DLG2: variants seen among roughly 807,000 people sequenced by gnomAD.
DLG2 encodes discs large MAGUK scaffold protein 2, also known as disks large homolog 2.
In DLG2, 45 loss-of-function variants were observed where a neutral mutation model predicts 132.5. The ratio of observed to expected loss-of-function variants is 0.34; its 90% CI spans 0.27 to 0.44. The LOEUF (loss-of-function observed/expected upper bound fraction) is 0.44, where lower values mean the gene tolerates loss of function less well. Among genes scored for constraint, DLG2 ranks in the 20% least tolerant of loss-of-function variants. The probability of loss-of-function intolerance (pLI) is 1.00; values close to 1 mark genes in which losing one functional copy is unlikely to be tolerated. For missense variants in DLG2, 1,045 were observed against 1,196.9 expected (o/e 0.87, Z 1.87); for synonymous variants, 424 against 419.6 (o/e 1.01, Z -0.13).
chr11:83,884,373 C>G (rs545538954), intron 15 of DLG2, among the ~76,000 whole-genome samples: 1 of 152,152 alleles, frequency 6.6e-6, no homozygotes, highest in Admixed American at 6.5e-5. Context: ...AACTGTAAGG[C>G]GGCAGCGAGG....
chr11:84,884,129 A>G (rs1339424159), intron 6 of DLG2, among the ~76,000 whole-genome samples: 1 of 152,248 alleles, frequency 6.6e-6, no homozygotes, highest in Admixed American at 6.5e-5. Context: ...TCAAAACACA[A>G]ATTAGGATAT....
intron 16 of DLG2, among the ~76,000 whole-genome samples, chr11:83,836,319 A>C (rs2056156142): frequency 6.6e-6 from 1 of 152,178 alleles, no homozygotes. Context: ...ATAGCTGGAC[A>C]CTCAATGACT....
At chr11:84,498,957 T>C (rs921976781) in intron 7 of DLG2, among the ~76,000 whole-genome samples, 1 of 152,146 alleles carries the variant, frequency 6.6e-6, no homozygotes. Context: ...GAAGGATGAG[T>C]TGCTTAGACA....
In DLG2 at chr11:83,930,273, C is replaced by T. The variant is rs2079899881; in HGVS notation, c.1496+55G>A. On this transcript the variant is annotated intron_variant, in intron 15 of 27. Transcript: ENST00000376104. ...GCAGAGGCGGATTCTACCCATTTATCCTTGTGGAAGCACATGCAGTTCGAG... is the reference window on the plus strand; with the variant it reads ...GCAGAGGCGGATTCTACCCATTTATTCTTGTGGAAGCACATGCAGTTCGAG... The T allele has an allele frequency of 1.9e-6, 3 of 1,595,810 alleles. No homozygotes were observed. In the African/African-American group the frequency reaches 4.0e-5, roughly 21 times the overall value.
At chr11:83,674,947 T>C (rs2077431300) in intron 18 of DLG2, among the ~76,000 whole-genome samples, 1 of 152,196 alleles carries the variant, frequency 6.6e-6, no homozygotes, top group Non-Finnish European at 1.5e-5. Flanking sequence ...GCTTCATGAG[T>C]GAAAAAAGAA....
rs138169728 is a variant in DLG2 at position 85,209,760 on chromosome 11, G to A, written c.187-55109C>T. Among the ~76,000 whole-genome samples the A allele has an allele frequency of 9.0e-4, 136 of 151,598 alleles. 2 individuals carry two copies. In the East Asian group the frequency reaches 0.014, roughly 16 times the overall value. On this transcript the variant is annotated intron_variant, in intron 4 of 27. Coordinates refer to ENST00000376104, the MANE Select transcript of DLG2 (RefSeq NM_001142699.3). ...CAGCCTAGAAAGCAGTCTCTTCACC[G>A]AAATTCATTTATATAATCCAAAAAT...
chr11:84,649,734 A>G (rs866986592), intron 6 of DLG2, among the ~76,000 whole-genome samples: 18 of 152,242 alleles, frequency 1.2e-4, no homozygotes, highest in South Asian at 1.0e-3. Context: ...TCTTTGGCCC[A>G]TTTTGTGCTT....
At chr11:83,753,872 TATGATATATA>T (rs2093515343) in intron 18 of DLG2, among the ~76,000 whole-genome samples, 1 of 93,068 alleles carries the variant, frequency 1.1e-5, no homozygotes, top group African/African-American at 6.6e-5. Context: ...ATTTCATATA[TATGATATATA>T]TCATATATAT....
intron 19 of DLG2, among the ~76,000 whole-genome samples, chr11:83,546,759 A>T (rs560952176): frequency 5.9e-5 from 9 of 152,242 alleles, no homozygotes; most frequent in Admixed American, 1.3e-4. Context: ...GGATTTCATG[A>T]TTTGATGATA....
At chr11:85,341,126 T>TTTTGC (rs2152858957) in intron 3 of DLG2, among the ~76,000 whole-genome samples, 1 of 151,914 alleles carries the variant, frequency 6.6e-6, no homozygotes, top group South Asian at 2.1e-4. Context: ...TTTTGTTTTG[T>TTTTGC]TTTGTTTTTT....
intron 7 of DLG2, among the ~76,000 whole-genome samples, chr11:84,502,351 T>C (rs578025757): frequency 5.2e-5 from 3 of 57,894 alleles, no homozygotes; most frequent in East Asian, 7.0e-4. Flanking sequence ...TCTTTCTTTC[T>C]TTCTTTCTTT....
chr11:83,515,509 G>T (rs1390745407), intron 21 of DLG2, among the ~76,000 whole-genome samples: 5 of 152,014 alleles, frequency 3.3e-5, no homozygotes, highest in Non-Finnish European at 7.4e-5. Flanking sequence ...AGGGTTTTTT[G>T]TGTCTCTATT....
At chr11:83,675,368 ATT>A (rs2077505456) in intron 18 of DLG2, among the ~76,000 whole-genome samples, 3 of 152,378 alleles carry the variant, frequency 2.0e-5, no homozygotes, top group East Asian at 1.9e-4. Flanking sequence ...ACAAAAATAT[ATT>A]CTTATTTGTC....
chr11:84,303,523 C>T (rs936765670), intron 7 of DLG2, among the ~76,000 whole-genome samples: 3 of 152,140 alleles, frequency 2.0e-5, no homozygotes, highest in African/African-American at 4.8e-5. Flanking sequence ...TATTTCGTGA[C>T]ATTATTTCAA....
At chr11:85,333,656 G>A (rs532739719) in intron 3 of DLG2, among the ~76,000 whole-genome samples, 45 of 152,102 alleles carry the variant, frequency 3.0e-4, no homozygotes, top group African/African-American at 7.7e-4. Context: ...CAATTTTATC[G>A]AAAGCTTTTT....
intron 15 of DLG2, among the ~76,000 whole-genome samples, chr11:83,911,705 A>C (rs1401986080): frequency 6.6e-6 from 1 of 152,126 alleles, no homozygotes; most frequent in Non-Finnish European, 1.5e-5. Flanking sequence ...TCTATTTAGC[A>C]GGATCAGAGC....
chr11:84,294,273 G>A (rs779220122), intron 7 of DLG2, among the ~76,000 whole-genome samples: 4 of 152,064 alleles, frequency 2.6e-5, no homozygotes, highest in Non-Finnish European at 5.9e-5. Flanking sequence ...TTATGCATAA[G>A]TAAAAATTAG....
intron 6 of DLG2, among the ~76,000 whole-genome samples, chr11:85,071,649 TTA>T (rs1185809424): frequency 9.2e-5 from 14 of 151,818 alleles, no homozygotes; most frequent in Admixed American, 8.6e-4. Flanking sequence ...CCAAAAGAAT[TTA>T]TATGTTTCCA....
Position 83,741,468 on chromosome 11 carries a change from A to C in DLG2, c.1825+45222T>G, listed in dbSNP as rs143602605. Among the ~76,000 whole-genome samples, 38 of 152,338 alleles carry C rather than the reference A, an allele frequency of 2.5e-4. 1 individual carries two copies. The highest frequency in any genetic ancestry group is 8.9e-4 in the African/African-American group (37 of 41,576). On this transcript the variant is annotated intron_variant, in intron 18 of 27. Transcript: ENST00000376104. ...GACTTTAGTAAAGTTTCAGGATACA[A>C]AATTAATATTAAAAAATCTGTAGCA...
Sources: allele counts gnomAD v4.1 joint callset (sites outside exome capture counted in the v4.1 genomes callset), GRCh38; gene constraint gnomAD v4.1.1; transcripts MANE v1.5; gene names NCBI Gene and HGNC (gene_info 2026-07-23, HGNC 2026-07-21).